Variants in DIXDC1 observed in about 807,000 individuals in gnomAD.
DIXDC1 encodes the protein DIX domain containing 1.
Under a neutral mutation model 103.1 loss-of-function variants are expected in DIXDC1, and 64 were observed. The ratio of observed to expected loss-of-function variants is 0.62; its 90% confidence interval spans 0.51 to 0.76. The LOEUF (loss-of-function observed/expected upper bound fraction) is 0.76. Among genes scored for constraint, DIXDC1 ranks in the 30% least tolerant of loss-of-function variants. The pLI, the probability that DIXDC1 is intolerant of heterozygous loss-of-function variation, is 0.00. For synonymous variants in DIXDC1, 266 were observed against 298.5 expected, an observed-to-expected ratio of 0.89 and a Z score of 1.12; for missense variants, 759 against 834.2, an observed-to-expected ratio of 0.91 and a Z score of 1.11.
chr11:111,996,190 AC>A, intron 17 of DIXDC1, 44 bp downstream of exon 17: 1 of 1,540,482 alleles, frequency 6.5e-7, no homozygotes, highest in Non-Finnish European at 8.8e-7. Context: ...AGCATATTAG[AC>A]CAGAAATTTA....
chr11:111,989,069 C>G lies in DIXDC1; in HGVS notation c.1113+14C>G. 1 of 1,589,412 alleles carries G rather than the reference C, an allele frequency of 6.3e-7. No individual in the cohort carries two copies. The highest frequency in any genetic ancestry group is 8.5e-7 in the Non-Finnish European group (1 of 1,169,900). The stretch of plus-strand genomic sequence containing the variant: ...CAGGGGATAAAGGTAAAAAAGAAGA[C>G]ATTTAATTCTTTAAATAAAGTCTCT... On this transcript the variant is annotated intron_variant, in intron 10 of 19. Transcript: ENST00000440460.
At chr11:111,953,416 C>G (rs1408484073) in intron 1 of DIXDC1, among the ~76,000 whole-genome samples, 3 of 152,142 alleles carry the variant, frequency 2.0e-5, no homozygotes, top group Non-Finnish European at 2.9e-5. Context: ...GTGGGCGGAT[C>G]ACCTGAGGTC....
At chr11:111,947,765 C>T (rs781921015) in intron 1 of DIXDC1, among the ~76,000 whole-genome samples, 2 of 152,198 alleles carry the variant, frequency 1.3e-5, no homozygotes, top group African/African-American at 2.4e-5. Flanking sequence ...AACAGATTCA[C>T]GTCAGCATGC....
At chr11:111,981,573 C>T (rs1860307558) in intron 6 of DIXDC1, among the ~76,000 whole-genome samples, 1 of 152,188 alleles carries the variant, frequency 6.6e-6, no homozygotes, top group Admixed American at 6.5e-5. Flanking sequence ...AGAGGGAGAG[C>T]ATTTACTGAG....
Position 111,937,462 on chromosome 11 carries a change from G to T in DIXDC1, c.-38G>T. ...GAGGAGGAGGCGGCGGCGGCCGCCG[G>T]GCTGGAGACCCCGCCCGGGGAGCCC... On this transcript the variant is annotated 5_prime_UTR_variant, in exon 1 of 20. Coordinates refer to ENST00000440460, the MANE Select transcript of DIXDC1 (RefSeq NM_001037954.4). 1 of 1,558,930 alleles carries T rather than the reference G, an allele frequency of 6.4e-7. No individual in the cohort carries two copies. The highest frequency in any genetic ancestry group is 8.7e-7 in the Non-Finnish European group (1 of 1,152,144).
At chr11:111,984,110 G>A (rs1467636189) in intron 7 of DIXDC1, among the ~76,000 whole-genome samples, 1 of 152,064 alleles carries the variant, frequency 6.6e-6, no homozygotes, top group Non-Finnish European at 1.5e-5. Context: ...TATAAAATGG[G>A]GTCACATTTT....
chr11:112,003,387 C>T (rs1382837255), intron 17 of DIXDC1, among the ~76,000 whole-genome samples: 2 of 152,020 alleles, frequency 1.3e-5, no homozygotes, highest in Non-Finnish European at 2.9e-5. Context: ...GCAGAGGTTG[C>T]AGTGAGCTGA....
At chr11:111,997,592 G>A (rs914232734) in intron 17 of DIXDC1, among the ~76,000 whole-genome samples, 1 of 152,124 alleles carries the variant, frequency 6.6e-6, no homozygotes, top group African/African-American at 2.4e-5. Context: ...TTTTCTAGCA[G>A]TGTTTCAAAA....
chr11:111,994,468 CAT>C (rs1375214268), intron 14 of DIXDC1, among the ~76,000 whole-genome samples: 1 of 150,780 alleles, frequency 6.6e-6, no homozygotes, highest in Non-Finnish European at 1.5e-5. Context: ...CACATATACA[CAT>C]ATATACATAT....
In DIXDC1 at chr11:111,976,828, CTTAG is replaced by C. The variant is rs1311633075; in HGVS notation, c.656+1848_656+1851del. The C allele has an allele frequency of 6.6e-6, 1 of 152,426 alleles. No individual in the cohort carries two copies. 9.4% of individuals were successfully genotyped at this position (152,426 alleles called of 1,614,324 possible). A position where few individuals can be genotyped will look rare whatever the true frequency, so the allele number is the denominator to read the frequency against. ...CACATTGTAGCCAAGCAAAATGATC[CTTAG>C]TTGGTTAAAAAGAACACACGAAACG... On this transcript the variant is annotated intron_variant, in intron 5 of 19. Transcript: ENST00000440460. This position sits in a 1 kb window ranked among gnomAD's most constrained non-coding sequence, Gnocchi z 4.3.
intron 10 of DIXDC1, among the ~76,000 whole-genome samples, chr11:111,989,611 G>T (rs1292607991): frequency 2.8e-5 from 4 of 142,082 alleles, no homozygotes; most frequent in Non-Finnish European, 6.0e-5. Flanking sequence ...GTGACAGGGT[G>T]AGACTCCGTC....
intron 3 of DIXDC1, among the ~76,000 whole-genome samples, chr11:111,970,278 C>T (rs190043029): frequency 2.0e-5 from 3 of 152,150 alleles, no homozygotes; most frequent in Non-Finnish European, 1.5e-5. Flanking sequence ...TGGTCTCGAA[C>T]TCCTGACCTC....
chr11:111,985,958 G>C (rs1256280534), intron 8 of DIXDC1, among the ~76,000 whole-genome samples: 1 of 152,128 alleles, frequency 6.6e-6, no homozygotes, highest in Admixed American at 6.6e-5. Flanking sequence ...ACAGAAATCT[G>C]AATGTTGTCC....
chr11:111,995,807 T>C (rs782555573), intron 16 of DIXDC1, among the ~76,000 whole-genome samples: 4 of 152,240 alleles, frequency 2.6e-5, no homozygotes, highest in Non-Finnish European at 5.9e-5. Context: ...TTGTGGCTCT[T>C]GACCCCACAG....
rs1555173707 is a variant in DIXDC1, at chr11:111,985,303, C to G, written c.990C>G (p.Val330=). The G allele has an allele frequency of 2.5e-6, 4 of 1,613,066 alleles. No individual in the cohort carries two copies. Among genetic ancestry groups the G allele is most frequent in the Non-Finnish European group, 3.4e-6 (4 of 1,179,562 alleles). The stretch of plus-strand genomic sequence containing the variant: ...CCTTGGCCCTCTGTGAACCAGGTGT[C>G]AATCCCGAGGAACAACTGGTGAGCT... ...ERPLALCEPG[V]NPEEQLIIIQ... The change falls in exon 8 of 20, where the codon GTC becomes GTG. Residue 330 remains valine (V), a synonymous_variant. Coordinates refer to ENST00000440460, the MANE Select transcript of DIXDC1 (RefSeq NM_001037954.4).
rs1860147349 is a variant in DIXDC1 at position 111,977,448 on chromosome 11, C to T, written c.656+2465C>T. On this transcript the variant is annotated intron_variant, in intron 5 of 19. Coordinates refer to ENST00000440460, the MANE Select transcript of DIXDC1 (RefSeq NM_001037954.4). This position sits in a 1 kb window ranked among gnomAD's most constrained non-coding sequence, Gnocchi z 6.1. ...GCCCGGCACCGTGCGTCCGCGGAGG[C>T]CAAGATGCAGCGGCCAGGGGCCGGC... The T allele has an allele frequency of 5.6e-6, 7 of 1,256,394 alleles. No homozygotes were observed. The highest frequency in any genetic ancestry group is 7.0e-6 in the Non-Finnish European group (7 of 998,586). 77.8% of individuals were successfully genotyped at this position (1,256,394 alleles called of 1,614,324 possible). A position where few individuals can be genotyped will look rare whatever the true frequency, so the allele number is the denominator to read the frequency against.
chr11:112,008,077 C>T (rs911325759), intron 17 of DIXDC1, among the ~76,000 whole-genome samples: 2 of 144,484 alleles, frequency 1.4e-5, no homozygotes, highest in Non-Finnish European at 3.0e-5. Flanking sequence ...CGTGCAGAGA[C>T]ACACATAGGC....
chr11:111,993,226 C>T (rs1160412828), intron 12 of DIXDC1, among the ~76,000 whole-genome samples: 1 of 152,134 alleles, frequency 6.6e-6, no homozygotes, highest in African/African-American at 2.4e-5. Flanking sequence ...GGTCTAGAAA[C>T]TTCAGTTCTA....
At chr11:111,943,321 T>G (rs587597853) in intron 1 of DIXDC1, among the ~76,000 whole-genome samples, 1 of 151,698 alleles carries the variant, frequency 6.6e-6, no homozygotes, top group East Asian at 1.9e-4. Context: ...TTTTTGTAGT[T>G]TTAGTAGAGA....
Sources: allele counts gnomAD v4.1 joint callset (sites outside exome capture counted in the v4.1 genomes callset), GRCh38; gene constraint gnomAD v4.1.1; non-coding constraint Gnocchi (gnomAD v3.1); transcripts MANE v1.5; gene names NCBI Gene and HGNC (gene_info 2026-07-23, HGNC 2026-07-21).